TPCN2: variants seen among roughly 807,000 people sequenced by gnomAD.
The protein encoded by TPCN2 is two pore channel protein 2.
TPCN2 carries 92 observed loss-of-function variants against 111.4 expected under a neutral mutation model. The ratio of observed to expected loss-of-function variants is 0.83; its 90% CI spans 0.70 to 0.98. The LOEUF is 0.98. Ranked by LOEUF, TPCN2 falls within the 50% of genes least tolerant of loss-of-function variation. The pLI is 0.00. For synonymous variants in TPCN2, 405 were observed against 414.5 expected, an observed-to-expected ratio of 0.98 and a Z score of 0.28; for missense variants, 995 against 980.1, an observed-to-expected ratio of 1.02 and a Z score of -0.20.
chr11:69,070,358 A>G (rs905063270), intron 8 of TPCN2, 72 bp from the exon 9 acceptor site: 4 of 1,236,888 alleles, frequency 3.2e-6, no homozygotes, highest in Non-Finnish European at 4.7e-6. Context: ...AAAAGCAAAT[A>G]GTGTAGCGTC....
chr11:69,085,166 A>T, intron 19 of TPCN2, 44 bp from the exon 20 acceptor site: 33 of 1,573,896 alleles, frequency 2.1e-5, no homozygotes, highest in Non-Finnish European at 2.8e-5. Flanking sequence ...TGGTGGGTGC[A>T]CCCATGGGTG....
At chr11:69,077,471 T>G (rs1271671966) in intron 13 of TPCN2, among the ~76,000 whole-genome samples, 3 of 152,220 alleles carry the variant, frequency 2.0e-5, no homozygotes, top group Non-Finnish European at 2.9e-5. Flanking sequence ...CCCTGCCCGT[T>G]GTGGCAGAGT....
At chr11:69,082,286 G>A (rs538235283) in intron 18 of TPCN2, among the ~76,000 whole-genome samples, 1 of 152,316 alleles carries the variant, frequency 6.6e-6, no homozygotes, top group African/African-American at 2.4e-5. Context: ...AAGCACACGT[G>A]ATCTCACACA....
chr11:69,056,789 C>A (rs1162510486), intron 4 of TPCN2, among the ~76,000 whole-genome samples: 2 of 151,996 alleles, frequency 1.3e-5, no homozygotes, highest in Non-Finnish European at 2.9e-5. Context: ...CCTCGGCCTC[C>A]CAAAGTGCTG....
At chr11:69,058,850 A>G (rs1375115164) in intron 5 of TPCN2, among the ~76,000 whole-genome samples, 1 of 152,224 alleles carries the variant, frequency 6.6e-6, no homozygotes, top group African/African-American at 2.4e-5. Context: ...TCCCACCGCC[A>G]TTTCTGAGTT....
chr11:69,071,470 A>C (rs1855533139), intron 10 of TPCN2, 50 bp downstream of exon 10: 8 of 1,551,464 alleles, frequency 5.2e-6, no homozygotes, highest in Non-Finnish European at 7.1e-6. Context: ...CGGGAGGCCA[A>C]GCAGGGTGTG....
Position 69,063,866 on chromosome 11 carries a change from C to T in TPCN2, c.654-29C>T, listed in dbSNP as rs755330671. ...GTGTCCCTGCCTGCCCGCCGCCTGG[C>T]CCAGGCTGAGTGCCGTGCTCTCCCC... On this transcript the variant is annotated intron_variant, in intron 6 of 24. Coordinates refer to ENST00000294309, the MANE Select transcript of TPCN2 (RefSeq NM_139075.4). 5.0e-6 allele frequency: 8 copies of T among 1,611,232 alleles called. No homozygotes were observed. The South Asian group carries it at 8.8e-5, about 18-fold the overall frequency.
chr11:69,065,546 G>T (rs1028747672), intron 7 of TPCN2, among the ~76,000 whole-genome samples: 2 of 152,204 alleles, frequency 1.3e-5, no homozygotes, highest in Non-Finnish European at 2.9e-5. Flanking sequence ...GACTTGAGAG[G>T]AGCGTGGGAT....
chr11:69,062,159 C>T (rs1256102083), intron 5 of TPCN2, among the ~76,000 whole-genome samples: 1 of 151,986 alleles, frequency 6.6e-6, no homozygotes, highest in Non-Finnish European at 1.5e-5. Flanking sequence ...CCCCCAGACT[C>T]CTTTTAAAAA....
chr11:69,082,397 ACAT>A (rs532145374), intron 18 of TPCN2, among the ~76,000 whole-genome samples: 13 of 152,416 alleles, frequency 8.5e-5, no homozygotes, highest in South Asian at 8.3e-4. Context: ...GATACAATAC[ACAT>A]CATCATGCAC....
chr11:69,076,104 G>C (rs180961009), intron 13 of TPCN2, among the ~76,000 whole-genome samples: 1 of 152,230 alleles, frequency 6.6e-6, no homozygotes. Flanking sequence ...AGGAAACCAT[G>C]TGGTGTCCTT....
intron 16 of TPCN2, chr11:69,079,236 G>A (rs1352783255): frequency 1.7e-6 from 1 of 600,818 alleles, no homozygotes; most frequent in East Asian, 2.9e-5. Flanking sequence ...CTGCATCCGA[G>A]TGTCATGGGG....
At position 69,071,437 on chromosome 11, in the gene TPCN2, A is replaced by G. The variant is rs201986199; in HGVS notation, c.960+17A>G. On this transcript the variant is annotated intron_variant, in intron 10 of 24. Coordinates refer to ENST00000294309, the MANE Select transcript of TPCN2 (RefSeq NM_139075.4). The stretch of plus-strand genomic sequence containing the variant: ...TACCTGATGGTGAGCGAGCTCCCCA[A>G]TGCTGGCTGTGCCTGGAGCTGCCGG... 232 of 1,608,286 alleles carry G rather than the reference A, an allele frequency of 1.4e-4. No homozygotes were observed. In the Admixed American group the frequency reaches 2.5e-3, roughly 17 times the overall value.
Position 69,063,914 on chromosome 11 carries a change from A to G in TPCN2, c.673A>G (p.Ile225Val), listed in dbSNP as rs765523510. 4 of 1,613,916 alleles carry G rather than the reference A, an allele frequency of 2.5e-6. No individual in the cohort carries two copies. The South Asian group carries it at 4.4e-5, about 18-fold the overall frequency. ...CCCCAGCGTCGGGCTGCTGCTGGCC[A>G]TCCACCTGTGCCTCTTCACCATGTT... ...EMASVGLLLA[I>V]HLCLFTMFGM... is the part of the protein sequence containing the mutation. Residue 225 changes from isoleucine to valine, a missense_variant, in exon 7 of 25, where the codon ATC becomes GTC. Transcript: ENST00000294309.
Position 69,088,304 on chromosome 11 carries a change from T to C in TPCN2, c.*351T>C, listed in dbSNP as rs2134653166. ...GTGGTGCCTTTGCTGCCGGCAGCCC[T>C]TGGGGACCACAGGCCTGACCAGGGC... is the stretch of plus-strand genomic sequence containing the variant. On this transcript the variant is annotated 3_prime_UTR_variant, in exon 25 of 25. Coordinates refer to ENST00000294309, the MANE Select transcript of TPCN2 (RefSeq NM_139075.4). 2 of 267,290 alleles carry C rather than the reference T, an allele frequency of 7.5e-6. No individual in the cohort carries two copies. The highest frequency in any genetic ancestry group is 7.3e-6 in the Non-Finnish European group (1 of 137,112). The allele number at this position is 267,290 out of a possible 1,614,324, so 16.6% of individuals were successfully genotyped here. A position where few individuals can be genotyped will look rare whatever the true frequency, so the allele number is the denominator to read the frequency against.
chr11:69,059,820 C>A (rs1367478386), intron 5 of TPCN2, among the ~76,000 whole-genome samples: 1 of 152,202 alleles, frequency 6.6e-6, no homozygotes, highest in Non-Finnish European at 1.5e-5. Flanking sequence ...TGGGCAAGGG[C>A]CCCTCTGTTG....
rs951731079 is a variant in TPCN2 at position 69,070,014 on chromosome 11, T to G, written c.830-416T>G. Among the ~76,000 whole-genome samples, 24 of 145,710 alleles carry G rather than the reference T, an allele frequency of 1.6e-4. No homozygotes were observed. The Admixed American group carries it at 1.7e-3, about 10-fold the overall frequency. On this transcript the variant is annotated intron_variant, in intron 8 of 24. Transcript: ENST00000294309. The stretch of plus-strand genomic sequence containing the variant: ...TTCTTTTTTTTCCTTTTCTTTCTTT[T>G]TTTCTTTCTTTCTTTTTTTTTTTTG...
At position 69,056,462 on chromosome 11, in the gene TPCN2, G is replaced by A. The variant is rs1490751113; in HGVS notation, c.429+1110G>A. ...TTAGCGTTTTTTGAATGGTTGGTGTGTTTGAGAAGTGTCAAAAGGTGAGAG... is the reference window on the plus strand; with the variant it reads ...TTAGCGTTTTTTGAATGGTTGGTGTATTTGAGAAGTGTCAAAAGGTGAGAG... On this transcript the variant is annotated intron_variant, in intron 4 of 24. Transcript: ENST00000294309. Among the ~76,000 whole-genome samples the A allele has an allele frequency of 2.0e-5, 3 of 152,216 alleles. No individual in the cohort carries two copies. The East Asian group carries it at 5.8e-4, about 29-fold the overall frequency.
intron 5 of TPCN2, among the ~76,000 whole-genome samples, chr11:69,061,853 G>A (rs1360702686): frequency 8.6e-6 from 1 of 115,868 alleles, no homozygotes; most frequent in Non-Finnish European, 2.0e-5. Context: ...ACAGGACTGT[G>A]GGTGGTGTGG....
Sources: gnomAD v4.1 joint callset for allele counts (sites outside exome capture counted in the v4.1 genomes callset) on GRCh38, gnomAD v4.1.1 for gene constraint, MANE v1.5 for transcripts, NCBI Gene and HGNC (gene_info 2026-07-23, HGNC 2026-07-21) for gene names.